Variants in PTH2R observed in about 807,000 individuals in gnomAD.
PTH2R encodes PTH2 receptor.
A neutral mutation model predicts 60.3 loss-of-function variants in PTH2R; 59 were observed. That is an observed-to-expected ratio of 0.98 (90% CI 0.79 to 1.22). PTH2R has a LOEUF of 1.22. PTH2R is among the 50% of genes most tolerant of loss of function. The probability of loss-of-function intolerance (pLI) is 0.00; values close to 1 mark genes in which losing one functional copy is unlikely to be tolerated. For missense variants in PTH2R, 749 were observed against 682.6 expected, an observed-to-expected ratio of 1.10 and a Z score of -1.08; for synonymous variants, 256 against 243.8, an observed-to-expected ratio of 1.05 and a Z score of -0.47.
At chr2:208,458,181 A>G (rs768359249) in intron 8 of PTH2R, among the ~76,000 whole-genome samples, 4 of 152,142 alleles carry the variant, frequency 2.6e-5, no homozygotes, top group Non-Finnish European at 4.4e-5. Flanking sequence ...TTTGAATTCA[A>G]TTGATGTCAG....
At chr2:208,449,490 T>C (rs1055091422) in intron 7 of PTH2R, among the ~76,000 whole-genome samples, 20 of 127,148 alleles carry the variant, frequency 1.6e-4, no homozygotes, top group African/African-American at 5.6e-4. Flanking sequence ...ATATGCAAAC[T>C]GAACCTAAGA....
intron 1 of PTH2R, among the ~76,000 whole-genome samples, chr2:208,371,811 C>T (rs1358451234): frequency 6.6e-6 from 1 of 152,062 alleles, no homozygotes; most frequent in Non-Finnish European, 1.5e-5. Flanking sequence ...ATGACATACT[C>T]ATAATGGGGT....
At chr2:208,365,962 T>A (rs868563365) in intron 1 of PTH2R, among the ~76,000 whole-genome samples, 409 of 12,370 alleles carry the variant, frequency 0.033, no homozygotes, top group Middle Eastern at 0.062. Flanking sequence ...ATATATATAT[T>A]TTTTTTTTTT....
rs1397952346 is a variant in PTH2R at position 208,374,109 on chromosome 2, T to C, written c.-259+13872T>C. ...AAGTGGGAGGGTCTTTTTTGCCTTTTTTTTTTTGACTATCAAAATACTTTC... is the reference window on the plus strand; with the variant it reads ...AAGTGGGAGGGTCTTTTTTGCCTTTCTTTTTTTGACTATCAAAATACTTTC... On this transcript the variant is annotated intron_variant, in intron 1 of 12. Coordinates refer to the PTH2R transcript ENST00000617735. Among the ~76,000 whole-genome samples the C allele has an allele frequency of 3.9e-5, 6 of 151,944 alleles. No individual in the cohort carries two copies. The East Asian group carries it at 1.2e-3, about 29-fold the overall frequency.
At chr2:208,393,836 C>T (rs1243754595) in intron 1 of PTH2R, among the ~76,000 whole-genome samples, 1 of 152,188 alleles carries the variant, frequency 6.6e-6, no homozygotes, top group Non-Finnish European at 1.5e-5. Context: ...GCACCACTCC[C>T]ATCAGGCATT....
chr2:208,434,725 T>C (rs562308219), intron 2 of PTH2R, among the ~76,000 whole-genome samples: 24 of 152,270 alleles, frequency 1.6e-4, no homozygotes, highest in Non-Finnish European at 8.8e-5. Context: ...AGTTCAGATA[T>C]ATAAAGACAT....
chr2:208,485,337 A>G (rs1412906907), intron 10 of PTH2R, among the ~76,000 whole-genome samples: 1 of 152,148 alleles, frequency 6.6e-6, no homozygotes, highest in African/African-American at 2.4e-5. Context: ...TTGGACACAG[A>G]CCACACCATG....
intron 12 of PTH2R, among the ~76,000 whole-genome samples, 199 bp from the exon 13 acceptor site, chr2:208,493,065 A>G (rs995264599): frequency 2.6e-5 from 4 of 152,114 alleles, no homozygotes; most frequent in African/African-American, 4.8e-5. Context: ...CTAAGCTTCA[A>G]TTTGCTCACC....
chr2:208,396,645 G>A (rs903928585), intron 1 of PTH2R, among the ~76,000 whole-genome samples: 8 of 152,156 alleles, frequency 5.3e-5, no homozygotes, highest in African/African-American at 1.7e-4. Context: ...TCATTAAAAA[G>A]TCAGGAAACA....
intron 9 of PTH2R, among the ~76,000 whole-genome samples, chr2:208,465,657 C>G (rs1159937220): frequency 6.6e-6 from 1 of 151,978 alleles, no homozygotes; most frequent in Non-Finnish European, 1.5e-5. Flanking sequence ...CCCGCCTCGG[C>G]CTCCCAAAGT....
chr2:208,457,593 G>A (rs1702539800), intron 8 of PTH2R, among the ~76,000 whole-genome samples: 1 of 152,168 alleles, frequency 6.6e-6, no homozygotes, highest in African/African-American at 2.4e-5. Flanking sequence ...GTATGATAGA[G>A]GAAAGTAAGA....
At position 208,382,965 on chromosome 2, in the gene PTH2R, T is replaced by TG. The variant is rs1259228642; in HGVS notation, c.-259+22734dup. The stretch of plus-strand genomic sequence containing the variant: ...CCCACAGCTGTCCCCTTGGGGGATG[T>TG]GGGGGGTCTGACATCATTTGCATTA... On this transcript the variant is annotated intron_variant, in intron 1 of 12. Coordinates refer to the PTH2R transcript ENST00000617735. Among the ~76,000 whole-genome samples, 3 of 152,344 alleles carry TG rather than the reference T, an allele frequency of 2.0e-5. No individual in the cohort carries two copies. In the South Asian group the frequency reaches 6.2e-4, roughly 32 times the overall value.
intron 2 of PTH2R, among the ~76,000 whole-genome samples, chr2:208,436,653 A>G (rs957695769): frequency 1.3e-5 from 2 of 152,196 alleles, no homozygotes; most frequent in Non-Finnish European, 2.9e-5. Flanking sequence ...GAGGGACCCC[A>G]TAAAACAGCC....
At chr2:208,463,438 G>A (rs1336780923) in intron 9 of PTH2R, among the ~76,000 whole-genome samples, 2 of 152,098 alleles carry the variant, frequency 1.3e-5, no homozygotes, top group East Asian at 1.9e-4. Context: ...GACTGCCTTC[G>A]TTAGCATCCC....
rs185577367 is a variant in PTH2R, at chr2:208,410,746, A to G, written c.75+3628A>G. On this transcript the variant is annotated intron_variant, in intron 1 of 12. Transcript: ENST00000272847. ...AAACAGTAATATATGTTTTATGAAC[A>G]TATTCAGATAAAAGATTGTGTGTGT... Among the ~76,000 whole-genome samples the G allele has an allele frequency of 1.9e-3, 285 of 151,704 alleles. 3 individuals carry two copies. Among genetic ancestry groups the G allele is most frequent in the African/African-American group, 6.7e-3 (277 of 41,186 alleles).
At chr2:208,363,573 G>A (rs1221981073) in intron 1 of PTH2R, among the ~76,000 whole-genome samples, 1 of 152,194 alleles carries the variant, frequency 6.6e-6, no homozygotes, top group Non-Finnish European at 1.5e-5. Flanking sequence ...TCACTTTTAA[G>A]TTCTTTAAGA....
chr2:208,367,398 G>C (rs1169771033), intron 1 of PTH2R, among the ~76,000 whole-genome samples: 5 of 148,942 alleles, frequency 3.4e-5, no homozygotes, highest in Admixed American at 6.8e-5. Flanking sequence ...ATTTAATTCA[G>C]CTAAAGTTTT....
chr2:208,436,630 G>A (rs569536984), intron 2 of PTH2R, among the ~76,000 whole-genome samples: 1 of 152,076 alleles, frequency 6.6e-6, no homozygotes, highest in South Asian at 2.1e-4. Context: ...CATGACCTGC[G>A]TGCACCACAG....
intron 1 of PTH2R, among the ~76,000 whole-genome samples, chr2:208,398,564 A>G (rs1440774267): frequency 1.3e-5 from 2 of 152,228 alleles, no homozygotes; most frequent in Non-Finnish European, 2.9e-5. Flanking sequence ...CAAAATGAAA[A>G]GCTTCTTTAG....
Sources: allele counts gnomAD v4.1 joint callset (sites outside exome capture counted in the v4.1 genomes callset), GRCh38; gene constraint gnomAD v4.1.1; transcripts MANE v1.5; gene names NCBI Gene and HGNC (gene_info 2026-07-23, HGNC 2026-07-21).